The following FMN1 variants were observed in gnomAD, a reference collection of about 807,000 sequenced individuals.
FMN1 encodes the protein formin 1.
Under a neutral mutation model 132.4 loss-of-function variants are expected in FMN1, and 110 were observed. The observed-to-expected ratio is 0.83, with a 90% CI of 0.71 to 0.97. FMN1 has a LOEUF of 0.97. Among genes scored for constraint, FMN1 ranks in the 50% least tolerant of loss-of-function variants. The pLI, the probability that FMN1 is intolerant of heterozygous loss-of-function variation, is 0.00. For missense variants in FMN1, 1,792 were observed against 1,705.3 expected (o/e 1.05, Z -0.90); for synonymous variants, 722 against 651.7 (o/e 1.11, Z -1.64).
In FMN1 at chr15:32,794,584, TAAAA is replaced by T. The variant is rs71963543; in HGVS notation, c.4130+4216_4130+4219del. ...TTCAGCAGCCAAAAAAAATAAAAAA[TAAAA>T]AATAAAAAAGAGTAAAGAATAGCCA... On this transcript the variant is annotated intron_variant, in intron 19 of 20. Transcript: ENST00000616417. Among the ~76,000 whole-genome samples, 47 of 151,690 alleles carry T rather than the reference TAAAA, an allele frequency of 3.1e-4. No individual in the cohort carries two copies. In the East Asian group the frequency reaches 8.3e-3, roughly 27 times the overall value.
At chr15:33,160,169 A>G (rs1050546934) in intron 3 of FMN1, among the ~76,000 whole-genome samples, 13 of 152,120 alleles carry the variant, frequency 8.5e-5, no homozygotes, top group African/African-American at 3.1e-4. Context: ...CTTAAACACC[A>G]TACGAAGGGC....
At chr15:32,873,724 C>T (rs961327475) in intron 16 of FMN1, among the ~76,000 whole-genome samples, 4 of 152,122 alleles carry the variant, frequency 2.6e-5, no homozygotes, top group Non-Finnish European at 5.9e-5. Flanking sequence ...CACTGAGAGG[C>T]TAGGTGTCAC....
intron 16 of FMN1, among the ~76,000 whole-genome samples, chr15:32,881,354 T>C (rs2141440194): frequency 6.6e-6 from 1 of 152,352 alleles, no homozygotes; most frequent in African/African-American, 2.4e-5. Flanking sequence ...AGCTTTCTTG[T>C]TTGATTAATT....
chr15:33,024,823 A>G (rs1345488173), intron 6 of FMN1, among the ~76,000 whole-genome samples: 1 of 152,222 alleles, frequency 6.6e-6, no homozygotes, highest in East Asian at 1.9e-4. Context: ...TTAAATTTCC[A>G]TCACCAGCAC....
intron 4 of FMN1, among the ~76,000 whole-genome samples, chr15:33,095,296 C>T (rs547591292): frequency 3.9e-5 from 6 of 151,934 alleles, no homozygotes; most frequent in East Asian, 1.9e-4. Flanking sequence ...TGCAGTGAGC[C>T]GAGATTGTGC....
chr15:33,071,034 G>A (rs980373120), intron 5 of FMN1, among the ~76,000 whole-genome samples: 7 of 152,080 alleles, frequency 4.6e-5, no homozygotes, highest in South Asian at 2.1e-4. Context: ...CTTCCTTCCC[G>A]AATAGAAGAC....
chr15:33,106,075 C>T (rs2039473329), intron 4 of FMN1: 2 of 152,068 alleles, frequency 1.3e-5, no homozygotes, highest in South Asian at 4.2e-4. Context: ...CTCTGAGCAG[C>T]CATGTCTCAA....
At chr15:32,867,839 T>C (rs970335525) in intron 16 of FMN1, among the ~76,000 whole-genome samples, 1 of 152,206 alleles carries the variant, frequency 6.6e-6, no homozygotes, top group East Asian at 1.9e-4. Context: ...GACCCTCTGT[T>C]ACAAAGTCAT....
At chr15:33,126,694 C>T (rs760484844) in intron 4 of FMN1, among the ~76,000 whole-genome samples, 1 of 121,832 alleles carries the variant, frequency 8.2e-6, no homozygotes, top group African/African-American at 2.8e-5. Context: ...AGACAGGAAG[C>T]GAAGGCAATA....
At chr15:32,775,846 C>T (rs979037210) in intron 20 of FMN1, among the ~76,000 whole-genome samples, 1 of 152,124 alleles carries the variant, frequency 6.6e-6, no homozygotes, top group Non-Finnish European at 1.5e-5. Flanking sequence ...TACTAATAAT[C>T]TAAAAGGATA....
intron 17 of FMN1, among the ~76,000 whole-genome samples, chr15:32,840,845 G>A (rs2058730784): frequency 2.0e-5 from 3 of 152,190 alleles, no homozygotes; most frequent in South Asian, 4.1e-4. Flanking sequence ...TGCACACACT[G>A]TTTAAATTCT....
intron 9 of FMN1, among the ~76,000 whole-genome samples, chr15:32,927,494 A>G (rs1323231906): frequency 1.3e-5 from 2 of 152,142 alleles, no homozygotes; most frequent in Non-Finnish European, 2.9e-5. Context: ...CCTGGGCCCA[A>G]GCCATCCTCC....
chr15:33,134,265 T>C (rs553098563), intron 4 of FMN1, among the ~76,000 whole-genome samples: 1 of 152,222 alleles, frequency 6.6e-6, no homozygotes, highest in East Asian at 1.9e-4. Flanking sequence ...CAATTTTAAG[T>C]GGGATTATAG....
intron 4 of FMN1, among the ~76,000 whole-genome samples, chr15:33,094,403 T>C (rs1027853170): frequency 2.0e-5 from 3 of 152,236 alleles, no homozygotes; most frequent in Non-Finnish European, 2.9e-5. Flanking sequence ...CACACAGTCA[T>C]GTGAAAGGCT....
At chr15:33,089,864 G>T (rs559340014) in intron 4 of FMN1, among the ~76,000 whole-genome samples, 1 of 152,202 alleles carries the variant, frequency 6.6e-6, no homozygotes, top group African/African-American at 2.4e-5. Flanking sequence ...TTACGGTCAA[G>T]TAAGTGTGAG....
At chr15:32,857,778 C>T (rs966527371) in intron 16 of FMN1, among the ~76,000 whole-genome samples, 1 of 152,188 alleles carries the variant, frequency 6.6e-6, no homozygotes, top group Non-Finnish European at 1.5e-5. Context: ...GGTGACTTGA[C>T]TTTTTAAAAA....
intron 15 of FMN1, among the ~76,000 whole-genome samples, chr15:32,897,146 C>G (rs987408041): frequency 1.3e-5 from 2 of 152,138 alleles, no homozygotes; most frequent in Non-Finnish European, 2.9e-5. Context: ...GATGGGCTAT[C>G]TCACTGTGGT....
chr15:32,797,268 C>A (rs931008610), intron 19 of FMN1, among the ~76,000 whole-genome samples: 16 of 152,062 alleles, frequency 1.1e-4, no homozygotes, highest in Non-Finnish European at 1.5e-4. Flanking sequence ...TTGTTTTAGA[C>A]CATTTTTAGG....
intron 16 of FMN1, among the ~76,000 whole-genome samples, chr15:32,876,496 TCA>T (rs965921958): frequency 9.9e-5 from 15 of 152,228 alleles, no homozygotes; most frequent in Non-Finnish European, 2.1e-4. Context: ...TGCCAGTTTC[TCA>T]GTTTTAACAA....
Sources: allele counts gnomAD v4.1 joint callset (sites outside exome capture counted in the v4.1 genomes callset), GRCh38; gene constraint gnomAD v4.1.1; transcripts MANE v1.5; gene names NCBI Gene and HGNC (gene_info 2026-07-23, HGNC 2026-07-21).